PIN4: variants seen among roughly 807,000 people sequenced by gnomAD.
The protein encoded by PIN4 is peptidyl-prolyl cis-trans isomerase NIMA-interacting 4.
Under a neutral mutation model 8.3 loss-of-function variants are expected in PIN4, and 3 were observed. The observed-to-expected ratio is 0.36, with a 90% CI of 0.16 to 0.93. PIN4 has a LOEUF of 0.93. Ranked by LOEUF, PIN4 falls within the 40% of genes least tolerant of loss-of-function variation. The pLI, the probability that PIN4 is intolerant of heterozygous loss-of-function variation, is 0.44. For synonymous variants in PIN4, 18 were observed against 32.5 expected (o/e 0.55, Z 1.52); for missense variants, 75 against 100.6 (o/e 0.75, Z 1.09).
intron 3 of PIN4, among the ~76,000 whole-genome samples, chrX:72,224,685 C>T (rs937562606): frequency 3.6e-5 from 4 of 111,183 alleles, no homozygotes; most frequent in East Asian, 2.8e-4. Context: ...GTGGAGGTTG[C>T]AGCAAGCCAA....
chrX:72,218,457 T>C (rs1275007000), intron 3 of PIN4, among the ~76,000 whole-genome samples: 2 of 108,667 alleles, frequency 1.8e-5, no homozygotes, highest in Non-Finnish European at 3.8e-5. Flanking sequence ...CCCCTGTATT[T>C]CTATATGGCT....
chrX:72,192,851 G>T (rs1014979579), intron 2 of PIN4, among the ~76,000 whole-genome samples: 3 of 111,528 alleles, frequency 2.7e-5, no homozygotes, highest in Non-Finnish European at 5.6e-5. Flanking sequence ...TCCCACCTTG[G>T]CCTCCCAAAG....
chrX:72,230,321 C>T (rs1445736162), intron 3 of PIN4, among the ~76,000 whole-genome samples: 1 of 111,041 alleles, frequency 9.0e-6, no homozygotes, highest in Non-Finnish European at 1.9e-5. Context: ...AAGATGGCAG[C>T]CTTGAGATAA....
At chrX:72,190,810 G>T (rs1174036851) in intron 2 of PIN4, among the ~76,000 whole-genome samples, 1 of 109,209 alleles carries the variant, frequency 9.2e-6, no homozygotes, top group African/African-American at 3.4e-5. Flanking sequence ...AAAATTAGTC[G>T]GGTGTGGTGG....
chrX:72,189,081 T>C (rs747765752), intron 2 of PIN4, among the ~76,000 whole-genome samples: 165 of 110,982 alleles, frequency 1.5e-3, no homozygotes, highest in African/African-American at 5.0e-3. Context: ...AGGAGGATTG[T>C]TTGAGCCCAG....
At chrX:72,206,702 C>T (rs188646020) in intron 3 of PIN4, 1 of 1,209,706 alleles carries the variant, frequency 8.3e-7, no homozygotes, top group East Asian at 3.0e-5. Flanking sequence ...TCTACCACAT[C>T]AAGCTCTTCT....
chrX:72,258,404 CCCCACAGCCACA>C (rs1173479891), intron 3 of PIN4, among the ~76,000 whole-genome samples: 1 of 112,312 alleles, frequency 8.9e-6, no homozygotes, highest in African/African-American at 3.2e-5. Context: ...ACAGGGCTCC[CCCCACAGCCACA>C]CGCACACTGA....
intron 3 of PIN4, among the ~76,000 whole-genome samples, chrX:72,210,181 CAT>C (rs1359020234): frequency 2.6e-5 from 2 of 76,309 alleles, no homozygotes; most frequent in South Asian, 1.0e-3. Context: ...GCCTGAATAA[CAT>C]AGCGAGACTG....
chrX:72,218,165 G>T (rs957436730), intron 3 of PIN4, among the ~76,000 whole-genome samples: 2 of 108,672 alleles, frequency 1.8e-5, no homozygotes, highest in African/African-American at 6.7e-5. Context: ...AGCTACTCAG[G>T]AGGCTGAGGC....
At chrX:72,237,598 A>G (rs1279283751) in intron 3 of PIN4, among the ~76,000 whole-genome samples, 1 of 85,023 alleles carries the variant, frequency 1.2e-5, no homozygotes, top group African/African-American at 4.9e-5. Flanking sequence ...ACTGTATCAA[A>G]AAAAGAAAAA....
intron 3 of PIN4, among the ~76,000 whole-genome samples, chrX:72,245,358 CAG>C (rs1310197713): frequency 9.1e-6 from 1 of 110,473 alleles, no homozygotes. Flanking sequence ...TTTGTAGAGA[CAG>C]AGTCTTGCTA....
chrX:72,207,859 G>T (rs1569489976), intron 3 of PIN4: 3 of 1,206,707 alleles, frequency 2.5e-6, no homozygotes, highest in Non-Finnish European at 1.1e-6. Flanking sequence ...TTCTCCTGGG[G>T]TAGCATCCTT....
chrX:72,250,801 G>A (rs758111708), intron 3 of PIN4, among the ~76,000 whole-genome samples: 4 of 95,582 alleles, frequency 4.2e-5, no homozygotes, highest in Non-Finnish European at 4.1e-5. Context: ...GTGCAGTGCC[G>A]CAATCTCGGC....
At chrX:72,201,472 T>C (rs1418447989), downstream of PIN4, among the ~76,000 whole-genome samples, 1 of 110,742 alleles carries the variant, frequency 9.0e-6, no homozygotes, top group Non-Finnish European at 1.9e-5. Flanking sequence ...GGCGCACACC[T>C]GTAGTCCCAG....
At chrX:72,231,343 C>T (rs1040008216) in intron 3 of PIN4, among the ~76,000 whole-genome samples, 15 of 111,218 alleles carry the variant, frequency 1.3e-4, no homozygotes, top group African/African-American at 4.2e-4. Context: ...TCCATGATCT[C>T]GCTTATACAT....
chrX:72,195,162 C>T (rs1246848140), intron 2 of PIN4, among the ~76,000 whole-genome samples: 5 of 112,249 alleles, frequency 4.5e-5, no homozygotes, highest in Non-Finnish European at 9.4e-5. Context: ...AGAAATCCTG[C>T]GAAACAGCTA....
intron 2 of PIN4, among the ~76,000 whole-genome samples, chrX:72,187,551 C>A (rs1391061284): frequency 8.9e-6 from 1 of 111,769 alleles, no homozygotes; most frequent in Admixed American, 9.6e-5. Context: ...GTAATCCCAG[C>A]ACTTTGGGAG....
At chrX:72,248,149 G>A (rs766191493) in intron 3 of PIN4, among the ~76,000 whole-genome samples, 20 of 109,748 alleles carry the variant, frequency 1.8e-4, no homozygotes, top group African/African-American at 6.6e-4. Context: ...TTCAATGAGT[G>A]TCCTCTGGTG....
At chrX:72,243,842 T>G (rs1651081982) in intron 3 of PIN4, among the ~76,000 whole-genome samples, 1 of 112,106 alleles carries the variant, frequency 8.9e-6, no homozygotes, top group African/African-American at 3.2e-5. Context: ...ACAACCTTGT[T>G]AGATGGTGTA....
Sources: allele counts gnomAD v4.1 joint callset (sites outside exome capture counted in the v4.1 genomes callset), GRCh38; gene constraint gnomAD v4.1.1; transcripts MANE v1.5; gene names NCBI Gene and HGNC (gene_info 2026-07-23, HGNC 2026-07-21).